The following DLG5 variants were observed in gnomAD, a reference collection of about 807,000 sequenced individuals.
The protein encoded by DLG5 is discs large MAGUK scaffold protein 5, also known as disks large homolog 5.
A neutral mutation model predicts 189.8 loss-of-function variants in DLG5; 48 were observed. That is an observed-to-expected ratio of 0.25 (90% CI 0.20 to 0.32). DLG5 has a LOEUF of 0.32. Ranked by LOEUF, DLG5 falls within the 10% of genes least tolerant of loss-of-function variation. The pLI is 1.00. For synonymous variants in DLG5, 1,016 were observed against 1,054.1 expected (o/e 0.96, Z 0.70); for missense variants, 2,160 against 2,544.7 (o/e 0.85, Z 3.25).
intron 7 of DLG5, among the ~76,000 whole-genome samples, chr10:77,838,114 T>C (rs1843238092): frequency 1.3e-5 from 2 of 152,184 alleles, no homozygotes; most frequent in African/African-American, 4.8e-5. Flanking sequence ...CCTTGTCCCC[T>C]GGCACTGTCC....
chr10:77,825,723 T>C (rs890427966), intron 13 of DLG5, among the ~76,000 whole-genome samples: 3 of 151,930 alleles, frequency 2.0e-5, no homozygotes, highest in Admixed American at 6.6e-5. Flanking sequence ...GCCCGGCTAA[T>C]ATTTTTGTAT....
Position 77,862,560 on chromosome 10 carries a change from A to T in DLG5, c.374-5668T>A, listed in dbSNP as rs1448927499. 2.0e-5 allele frequency among the ~76,000 whole-genome samples: 3 copies of T among 152,392 alleles called. No individual in the cohort carries two copies. The East Asian group carries it at 5.8e-4, about 29-fold the overall frequency. ...AAAACAGTTTGACAGTTTCTTATAA[A>T]GCTAAACATGCAATTGCCATACCAC... On this transcript the variant is annotated intron_variant, in intron 2 of 31. Coordinates refer to ENST00000372391, the MANE Select transcript of DLG5 (RefSeq NM_004747.4).
chr10:77,795,361 C>G (rs1044980755), intron 29 of DLG5, among the ~76,000 whole-genome samples: 1 of 152,148 alleles, frequency 6.6e-6, no homozygotes, highest in Non-Finnish European at 1.5e-5. Context: ...TCATGTCTGT[C>G]GTCCCAGGCA....
chr10:77,810,040 T>C (rs1200858426), intron 23 of DLG5, among the ~76,000 whole-genome samples: 1 of 152,156 alleles, frequency 6.6e-6, no homozygotes, highest in African/African-American at 2.4e-5. Flanking sequence ...CTCCCTCCCA[T>C]GTGGATCACA....
intron 26 of DLG5, 34 bp downstream of exon 26, chr10:77,806,724 G>GGCCCCC: frequency 3.0e-6 from 3 of 1,016,164 alleles, no homozygotes; most frequent in Non-Finnish European, 4.4e-6. Context: ...GGCGACCCCT[G>GGCCCCC]CCCCACCCCA....
At chr10:77,904,641 G>C (rs180688867) in intron 1 of DLG5, among the ~76,000 whole-genome samples, 5 of 150,916 alleles carry the variant, frequency 3.3e-5, no homozygotes, top group Admixed American at 6.6e-5. Flanking sequence ...AGGGGTTTCC[G>C]CCTTTGCTTC....
the DLG5 span, among the ~76,000 whole-genome samples, chr10:77,938,216 G>C: frequency 0.7 from 106,151 of 151,814 alleles, 38,239 homozygotes; most frequent in African/African-American, 0.88. Flanking sequence ...GGCCAAGGAA[G>C]GATGATCACT....
At chr10:77,810,417 TC>T (rs1841703810) in intron 23 of DLG5, among the ~76,000 whole-genome samples, 1 of 152,198 alleles carries the variant, frequency 6.6e-6, no homozygotes, top group South Asian at 2.1e-4. Context: ...GGTGAAGGCC[TC>T]TCAGTGCTGG....
At position 77,926,744 on chromosome 10, in the gene DLG5, G is replaced by A. The variant is rs1214735818; in HGVS notation, c.-224C>T. 6.3e-6 allele frequency: 1 copy of A among 157,752 alleles called. No homozygotes were observed. 9.8% of individuals were successfully genotyped at this position (157,752 alleles called of 1,614,324 possible). On this transcript the variant is annotated 5_prime_UTR_variant, in exon 1 of 32. Coordinates refer to ENST00000372391, the MANE Select transcript of DLG5 (RefSeq NM_004747.4). The surrounding 1 kb of genome is among the most constrained non-coding windows in gnomAD (Gnocchi z 5.2). ...GAGCGCAGCCATGTTGGCTGCCGCG[G>A]CGGCGGGACTGGAAGAGGAGGAGGA...
At chr10:77,813,062 G>A (rs1841862508) in intron 20 of DLG5, among the ~76,000 whole-genome samples, 2 of 152,228 alleles carry the variant, frequency 1.3e-5, no homozygotes, top group Admixed American at 6.5e-5. Flanking sequence ...AGAGACATCT[G>A]GAAGGTGACA....
intron 7 of DLG5, 31 bp downstream of exon 7, chr10:77,841,850 C>G: frequency 2.5e-6 from 4 of 1,589,540 alleles, no homozygotes; most frequent in Non-Finnish European, 3.4e-6. Flanking sequence ...GTAGGAGAGG[C>G]TGAAAGCCAG....
chr10:77,920,537 G>C (rs1846503759), intron 1 of DLG5, among the ~76,000 whole-genome samples: 1 of 152,168 alleles, frequency 6.6e-6, no homozygotes, highest in South Asian at 2.1e-4. Context: ...TGTTGGAATG[G>C]GCTGCCAATC....
At position 77,853,258 on chromosome 10, in the gene DLG5, G is replaced by A. The variant is rs144637509; in HGVS notation, c.864+96C>T. 6.5e-4 allele frequency: 784 copies of A among 1,206,126 alleles called. 3 individuals are homozygous for A. The African/African-American group carries it at 0.01, about 16-fold the overall frequency. The allele number at this position is 1,206,126 out of a possible 1,614,324, so 74.7% of individuals were successfully genotyped here. ...GCTGGGATCACAGATGTGAGCCAAC[G>A]TGCCCGGCCCAGCATTTACTTCTCA... On this transcript the variant is annotated intron_variant, in intron 5 of 31. Coordinates refer to ENST00000372391, the MANE Select transcript of DLG5 (RefSeq NM_004747.4).
chr10:77,917,917 C>T (rs1846413837), intron 1 of DLG5, among the ~76,000 whole-genome samples: 1 of 151,482 alleles, frequency 6.6e-6, no homozygotes, highest in Admixed American at 6.6e-5. Flanking sequence ...ATCTCAGCTA[C>T]CCGGGAGACT....
chr10:77,806,528 C>T (rs1027779374), intron 26 of DLG5, among the ~76,000 whole-genome samples: 1 of 152,236 alleles, frequency 6.6e-6, no homozygotes, highest in African/African-American at 2.4e-5. Flanking sequence ...TTTTCTAAAA[C>T]ACGTTATGCC....
At chr10:77,817,376 T>A (rs937042032) in intron 18 of DLG5, among the ~76,000 whole-genome samples, 67 of 152,256 alleles carry the variant, frequency 4.4e-4, no homozygotes, top group African/African-American at 1.6e-3. Flanking sequence ...CCATCTTTTC[T>A]CCCCAGCGCC....
At chr10:77,841,573 T>A (rs1843417878) in intron 7 of DLG5, among the ~76,000 whole-genome samples, 1 of 152,160 alleles carries the variant, frequency 6.6e-6, no homozygotes, top group Non-Finnish European at 1.5e-5. Context: ...ATCACTGACT[T>A]CAGCATGGGA....
chr10:77,921,737 C>T (rs1846540458), intron 1 of DLG5, among the ~76,000 whole-genome samples: 1 of 152,228 alleles, frequency 6.6e-6, no homozygotes, highest in Non-Finnish European at 1.5e-5. Context: ...AAGCTCTCCT[C>T]GGCTTCTCCA....
rs1017637679 is a variant in DLG5 at position 77,796,979 on chromosome 10, C to T, written c.5165-385G>A. The stretch of plus-strand genomic sequence containing the variant: ...CCCCAGGAAGGTGTGGTCAGTGTAA[C>T]CCAGACCTGCCCAGTGACAGGTGAG... On this transcript the variant is annotated intron_variant, in intron 27 of 31. Transcript: ENST00000372391. This position sits in a 1 kb window ranked among gnomAD's most constrained non-coding sequence, Gnocchi z 5.2. Among the ~76,000 whole-genome samples, 1 of 152,184 alleles carries T rather than the reference C, an allele frequency of 6.6e-6. No individual in the cohort carries two copies. Among genetic ancestry groups the T allele is most frequent in the African/African-American group, 2.4e-5 (1 of 41,448 alleles).
Sources: allele counts gnomAD v4.1 joint callset (sites outside exome capture counted in the v4.1 genomes callset), GRCh38; gene constraint gnomAD v4.1.1; non-coding constraint Gnocchi (gnomAD v3.1); transcripts MANE v1.5; gene names NCBI Gene and HGNC (gene_info 2026-07-23, HGNC 2026-07-21).